The following CPM variants were observed in gnomAD, a reference collection of about 807,000 sequenced individuals.
The protein encoded by CPM is renal carboxypeptidase.
CPM carries 35 observed loss-of-function variants against 46.4 expected under a neutral mutation model. The observed-to-expected ratio is 0.75, with a 90% CI of 0.58 to 1.00. CPM has a LOEUF of 1.00. Among genes scored for constraint, CPM ranks in the 50% least tolerant of loss-of-function variants. CPM has a pLI of 0.00. For synonymous variants in CPM, 195 were observed against 195.3 expected (o/e 1.00, Z 0.01); for missense variants, 422 against 530.4 (o/e 0.80, Z 2.01).
chr12:68,848,771 G>C (rs1884501492), downstream of CPM: 1 of 152,154 alleles, frequency 6.6e-6, no homozygotes, highest in East Asian at 1.9e-4. Context: ...GGAGTGTAGT[G>C]GCATGATCTC....
intron 7 of CPM, among the ~76,000 whole-genome samples, chr12:68,866,243 T>C (rs565262386): frequency 6.6e-6 from 1 of 152,318 alleles, no homozygotes; most frequent in South Asian, 2.1e-4. Flanking sequence ...TGGGAGATGA[T>C]GTAACAGAGT....
chr12:68,861,106 T>C (rs753049466), intron 7 of CPM, among the ~76,000 whole-genome samples: 1 of 152,126 alleles, frequency 6.6e-6, no homozygotes, highest in Non-Finnish European at 1.5e-5. Flanking sequence ...AGTCTTGAAC[T>C]CCTGAGCTCA....
chr12:68,942,246 T>C (rs189035252), intron 1 of CPM, among the ~76,000 whole-genome samples: 120 of 152,358 alleles, frequency 7.9e-4, no homozygotes, highest in Middle Eastern at 6.8e-3. Context: ...AGTAGTTCTT[T>C]TATTTTGGAT....
chr12:68,866,035 C>T (rs1349241733), intron 7 of CPM, among the ~76,000 whole-genome samples: 2 of 152,178 alleles, frequency 1.3e-5, no homozygotes, highest in African/African-American at 2.4e-5. Context: ...TGATAAGGGC[C>T]AGCCAGCCTT....
intron 8 of CPM, among the ~76,000 whole-genome samples, chr12:68,858,708 CA>C (rs1188504470): frequency 5.4e-5 from 8 of 147,634 alleles, no homozygotes; most frequent in Non-Finnish European, 3.0e-5. Flanking sequence ...AAATTGCCAT[CA>C]GGGAAAAAAT....
intron 8 of CPM, 56 bp downstream of exon 8, chr12:68,858,867 T>G: frequency 1.8e-6 from 2 of 1,123,890 alleles, no homozygotes; most frequent in Non-Finnish European, 2.3e-6. Flanking sequence ...TCTGGGTGAA[T>G]AAGTATTATG....
rs150987022 is a variant in CPM at position 68,865,638 on chromosome 12, ACTCT to A, written c.940+1254_940+1257del. Among the ~76,000 whole-genome samples the A allele has an allele frequency of 1.3e-3, 193 of 147,466 alleles. 2 individuals are homozygous for A. The South Asian group carries it at 0.018, about 14-fold the overall frequency. On this transcript the variant is annotated intron_variant, in intron 7 of 8. Transcript: ENST00000551568. ...CACACCCACACACACACACACTCAC[ACTCT>A]CTCTCTCTCTCTCTCCATGTGGTAT... is the stretch of plus-strand genomic sequence containing the variant.
chr12:68,877,000 TG>T (rs1565776206), intron 3 of CPM, among the ~76,000 whole-genome samples: 3 of 152,112 alleles, frequency 2.0e-5, no homozygotes, highest in Non-Finnish European at 4.4e-5. Flanking sequence ...ATGCAGCTTC[TG>T]GGGGGAAAGT....
intron 2 of CPM, among the ~76,000 whole-genome samples, chr12:68,910,414 T>A (rs117024340): frequency 6.6e-6 from 1 of 152,168 alleles, no homozygotes; most frequent in Non-Finnish European, 1.5e-5. Context: ...ACATCAACTT[T>A]TTTTTTACTT....
chr12:68,958,938 C>T (rs2136339866), intron 1 of CPM, among the ~76,000 whole-genome samples: 1 of 152,316 alleles, frequency 6.6e-6, no homozygotes, highest in South Asian at 2.1e-4. Context: ...CATTCTTCTC[C>T]TAAGTCGTCC....
chr12:68,864,683 C>T (rs913039611), intron 7 of CPM, among the ~76,000 whole-genome samples: 1 of 152,066 alleles, frequency 6.6e-6, no homozygotes, highest in African/African-American at 2.4e-5. Context: ...CACGCCCATA[C>T]CCATGTTGAT....
At chr12:68,916,888 CAAA>C (rs779418018) in intron 2 of CPM, among the ~76,000 whole-genome samples, 2 of 82,158 alleles carry the variant, frequency 2.4e-5, no homozygotes, top group Non-Finnish European at 2.8e-5. Context: ...ACTCTTGTCT[CAAA>C]AAAAAAAAAA....
chr12:68,872,377 T>C (rs530754225), intron 3 of CPM, among the ~76,000 whole-genome samples: 2 of 151,500 alleles, frequency 1.3e-5, no homozygotes, highest in East Asian at 3.9e-4. Context: ...CTCAGCTTCC[T>C]GAGTAGCTGG....
At chr12:68,860,099 C>G (rs569260732) in intron 7 of CPM, among the ~76,000 whole-genome samples, 1 of 152,304 alleles carries the variant, frequency 6.6e-6, no homozygotes, top group African/African-American at 2.4e-5. Flanking sequence ...AAAATTTTGG[C>G]ATTTAGCAAA....
chr12:68,932,533 A>T (rs973987355), intron 2 of CPM, 145 bp downstream of exon 2: 1 of 908,402 alleles, frequency 1.1e-6, no homozygotes, highest in African/African-American at 1.7e-5. Context: ...AGCAGAAAAC[A>T]ACCAACACGC....
chr12:68,851,010 A>C (rs1210668414), downstream of CPM, among the ~76,000 whole-genome samples: 1 of 152,054 alleles, frequency 6.6e-6, no homozygotes, highest in Non-Finnish European at 1.5e-5. Context: ...TTCTGGAAGA[A>C]CTATCTGGAC....
intron 7 of CPM, among the ~76,000 whole-genome samples, chr12:68,859,480 G>C (rs1885117794): frequency 6.6e-6 from 1 of 152,076 alleles, no homozygotes; most frequent in African/African-American, 2.4e-5. Flanking sequence ...CGTGTGCGAG[G>C]GACTCAATAG....
At chr12:68,934,999 T>C (rs554709791), upstream of CPM, among the ~76,000 whole-genome samples, 4 of 152,180 alleles carry the variant, frequency 2.6e-5, no homozygotes, top group Admixed American at 2.6e-4. Flanking sequence ...TGCAACCTCC[T>C]CTCAGGTTCA....
chr12:68,952,163 G>T (rs1417700955), intron 1 of CPM, among the ~76,000 whole-genome samples: 2 of 152,184 alleles, frequency 1.3e-5, no homozygotes, highest in East Asian at 3.8e-4. Flanking sequence ...TTGAGGGAAA[G>T]CCTATCTTAT....
Sources: allele counts gnomAD v4.1 joint callset (sites outside exome capture counted in the v4.1 genomes callset), GRCh38; gene constraint gnomAD v4.1.1; transcripts MANE v1.5; gene names NCBI Gene and HGNC (gene_info 2026-07-23, HGNC 2026-07-21).